TET3: variants seen among roughly 807,000 people sequenced by gnomAD.
The protein encoded by TET3 is methylcytosine dioxygenase TET3.
TET3 carries 19 observed loss-of-function variants against 141.4 expected under a neutral mutation model. The ratio of observed to expected loss-of-function variants is 0.13; its 90% CI spans 0.09 to 0.20. The LOEUF is 0.20. Ranked by LOEUF, TET3 falls within the 10% of genes least tolerant of loss-of-function variation. The pLI is 1.00. For synonymous variants in TET3, 1,043 were observed against 980.9 expected (o/e 1.06, Z -1.18); for missense variants, 1,874 against 2,356.9 (o/e 0.80, Z 4.24).
intron 3 of TET3, among the ~76,000 whole-genome samples, chr2:74,014,399 C>T (rs1306422514): frequency 6.6e-6 from 1 of 152,110 alleles, no homozygotes; most frequent in Non-Finnish European, 1.5e-5. Context: ...GACCACCCTT[C>T]CTCCCAGTAA....
intron 3 of TET3, among the ~76,000 whole-genome samples, chr2:74,030,083 C>G (rs1349229640): frequency 1.3e-5 from 2 of 152,202 alleles, no homozygotes; most frequent in African/African-American, 4.8e-5. Flanking sequence ...TGTTTGTTCA[C>G]TACTCTATCC....
chr2:74,061,351 C>T (rs1318213783), intron 4 of TET3, among the ~76,000 whole-genome samples: 9 of 130,790 alleles, frequency 6.9e-5, no homozygotes, highest in Admixed American at 5.1e-4. Context: ...CCGGACGGGG[C>T]GGCTGGCCGG....
At position 74,105,588 on chromosome 2, in the gene TET3, G is replaced by A. The variant is rs78549486; in HGVS notation, c.*3412G>A. On this transcript the variant is annotated 3_prime_UTR_variant, in exon 12 of 12. Coordinates refer to ENST00000409262, the MANE Select transcript of TET3 (RefSeq NM_001287491.2). Reference sequence around the variant, plus strand: ...GGTACTGCTTTGCCTTCTCACCAAGGTGACGATGGTGTGCGTGGAAAGAGA... The same window carrying A: ...GGTACTGCTTTGCCTTCTCACCAAGATGACGATGGTGTGCGTGGAAAGAGA... 2.5e-6 allele frequency: 1 copy of A among 393,396 alleles called. No individual in the cohort carries two copies. Among genetic ancestry groups the A allele is most frequent in the African/African-American group, 2.1e-5 (1 of 48,506 alleles). 24.4% of individuals were successfully genotyped at this position (393,396 alleles called of 1,614,324 possible).
chr2:74,005,945 C>G (rs576645130), intron 3 of TET3, among the ~76,000 whole-genome samples: 1 of 152,124 alleles, frequency 6.6e-6, no homozygotes, highest in African/African-American at 2.4e-5. Context: ...CCGAGAACAC[C>G]GGGCCGCCCT....
At chr2:74,014,464 CACTTGGTGA>C (rs1685625861) in intron 3 of TET3, among the ~76,000 whole-genome samples, 1 of 152,140 alleles carries the variant, frequency 6.6e-6, no homozygotes, top group East Asian at 1.9e-4. Flanking sequence ...GGCAGTGCAG[CACTTGGTGA>C]CTCCCTTGGG....
chr2:74,077,106 T>A (rs1190249154), intron 5 of TET3, among the ~76,000 whole-genome samples: 3 of 152,248 alleles, frequency 2.0e-5, no homozygotes, highest in Non-Finnish European at 4.4e-5. Context: ...ATTAAATGCT[T>A]GTTCTAGGAA....
At chr2:74,030,078 G>T (rs1686594684) in intron 3 of TET3, among the ~76,000 whole-genome samples, 1 of 152,074 alleles carries the variant, frequency 6.6e-6, no homozygotes, top group Non-Finnish European at 1.5e-5. Flanking sequence ...GACTCTGTTT[G>T]TTCACTACTC....
At chr2:74,081,946 G>A (rs114993876) in intron 6 of TET3, among the ~76,000 whole-genome samples, 3 of 152,298 alleles carry the variant, frequency 2.0e-5, no homozygotes, top group African/African-American at 7.2e-5. Context: ...CTTGAGAGGT[G>A]GTCATTGCAG....
chr2:74,063,459 A>G (rs1281293443), intron 4 of TET3, among the ~76,000 whole-genome samples: 2 of 152,158 alleles, frequency 1.3e-5, no homozygotes, highest in African/African-American at 4.8e-5. Flanking sequence ...TTAATTTTTC[A>G]TTAGGGATTG....
intron 3 of TET3, among the ~76,000 whole-genome samples, chr2:74,032,055 A>C (rs1297357777): frequency 6.6e-6 from 1 of 152,220 alleles, no homozygotes; most frequent in Non-Finnish European, 1.5e-5. Flanking sequence ...GAAAGGTTAC[A>C]TTTAAACGTA....
In TET3 at chr2:74,046,285, C is replaced by T. The variant is rs777277545; in HGVS notation, c.368C>T (p.Ser123Leu). The T allele has an allele frequency of 6.6e-7, 1 of 1,507,400 alleles. No homozygotes were observed. The highest frequency in any genetic ancestry group is 2.3e-5 in the Admixed American group (1 of 43,236). 93.4% of individuals were successfully genotyped at this position (1,507,400 alleles called of 1,614,324 possible). The change falls in exon 4 of 12, where the codon TCA becomes TTA. Residue 123 changes from serine (S) to leucine (L), a missense_variant. Coordinates refer to ENST00000409262, the MANE Select transcript of TET3 (RefSeq NM_001287491.2). The surrounding 1 kb of genome is among the most constrained non-coding windows in gnomAD (Gnocchi z 4.3). ...CCTTCTCTCTCTCTTTAGACAGGCT[C>T]AGAGCTCAGCCCAGTTGATGGACCT... ...WGQGAAVKTG[S>L]ELSPVDGPVP...
intron 5 of TET3, among the ~76,000 whole-genome samples, chr2:74,078,830 A>G (rs1366195008): frequency 6.6e-6 from 1 of 152,224 alleles, no homozygotes; most frequent in Admixed American, 6.5e-5. Flanking sequence ...TTAATTGCTC[A>G]AATAAAAAAC....
chr2:74,117,021 G>C, the TET3 span, among the ~76,000 whole-genome samples: 1 of 152,086 alleles, frequency 6.6e-6, no homozygotes, highest in African/African-American at 2.4e-5. Flanking sequence ...AGAGGGGAGC[G>C]GGGAGATGGG....
At chr2:74,025,253 A>C (rs544938619) in intron 3 of TET3, among the ~76,000 whole-genome samples, 54 of 151,466 alleles carry the variant, frequency 3.6e-4, no homozygotes, top group African/African-American at 1.3e-3. Context: ...TAAGTAGCAA[A>C]ACTGATGTCC....
intron 4 of TET3, among the ~76,000 whole-genome samples, chr2:74,063,487 A>C (rs777883970): frequency 6.6e-6 from 1 of 152,178 alleles, no homozygotes; most frequent in Non-Finnish European, 1.5e-5. Context: ...ATGATATTCT[A>C]ATTCTGTCCA....
intron 3 of TET3, among the ~76,000 whole-genome samples, chr2:74,013,117 C>T (rs1033816566): frequency 3.3e-5 from 5 of 151,820 alleles, no homozygotes; most frequent in Non-Finnish European, 7.4e-5. Context: ...ATCTCAGCCT[C>T]CCGAGTAGCT....
At chr2:74,059,237 T>C (rs1423544372) in intron 4 of TET3, among the ~76,000 whole-genome samples, 5 of 152,242 alleles carry the variant, frequency 3.3e-5, no homozygotes, top group Non-Finnish European at 5.9e-5. Context: ...TATTGTGTTT[T>C]TATTTTATTT....
At chr2:74,049,812 A>G (rs1687844471) in intron 4 of TET3, among the ~76,000 whole-genome samples, 1 of 152,088 alleles carries the variant, frequency 6.6e-6, no homozygotes, top group African/African-American at 2.4e-5. Flanking sequence ...CACATGCAGA[A>G]CAAGGAAAAT....
At chr2:74,077,999 C>A (rs1364490388) in intron 5 of TET3, among the ~76,000 whole-genome samples, 1 of 152,226 alleles carries the variant, frequency 6.6e-6, no homozygotes, top group Admixed American at 6.5e-5. Context: ...GCTATATAAA[C>A]CCCTGAGTCC....
Sources: gnomAD v4.1 joint callset for allele counts (sites outside exome capture counted in the v4.1 genomes callset) on GRCh38, gnomAD v4.1.1 for gene constraint, Gnocchi (gnomAD v3.1) non-coding constraint, MANE v1.5 for transcripts, NCBI Gene and HGNC (gene_info 2026-07-23, HGNC 2026-07-21) for gene names.